The following LPA variants were observed in gnomAD, a reference collection of about 807,000 sequenced individuals.
The protein encoded by LPA is lipoprotein(a).
A neutral mutation model predicts 197.9 loss-of-function variants in LPA; 199 were observed. The observed-to-expected ratio is 1.01, with a 90% CI of 0.90 to 1.13. The LOEUF is 1.13. LPA is among the 50% of genes most tolerant of loss of function. The pLI is 0.00. For synonymous variants in LPA, 715 were observed against 639.5 expected, an observed-to-expected ratio of 1.12 and a Z score of -1.78; for missense variants, 1,853 against 1,785.8, an observed-to-expected ratio of 1.04 and a Z score of -0.68.
At chr6:160,553,954 T>TGTGTGTGCGC (rs771903485) in intron 30 of LPA, among the ~76,000 whole-genome samples, 18 of 130,806 alleles carry the variant, frequency 1.4e-4, no homozygotes, top group African/African-American at 5.4e-4. Flanking sequence ...TGTGTGTGTG[T>TGTGTGTGCGC]GCGCGCGCGC....
chr6:160,578,384 C>T, intron 27 of LPA, 139 bp downstream of exon 27: 1 of 1,056,380 alleles, frequency 9.5e-7, no homozygotes, highest in Non-Finnish European at 1.4e-6. Context: ...CTGGATCCCC[C>T]AGAGAGGGCG....
intron 30 of LPA, among the ~76,000 whole-genome samples, chr6:160,551,329 G>A (rs1031629435): frequency 6.6e-6 from 1 of 152,144 alleles, no homozygotes; most frequent in Non-Finnish European, 1.5e-5. Flanking sequence ...TATTGGCTAT[G>A]TGTACATCTA....
chr6:160,538,918 T>A (rs966394779), intron 36 of LPA, among the ~76,000 whole-genome samples: 2 of 152,146 alleles, frequency 1.3e-5, no homozygotes, highest in Non-Finnish European at 2.9e-5. Context: ...CTGAGGACCA[T>A]GAGGAGCAGA....
chr6:160,594,934 T>C (rs1779101592), intron 21 of LPA, among the ~76,000 whole-genome samples: 1 of 152,056 alleles, frequency 6.6e-6, no homozygotes, highest in Admixed American at 6.5e-5. Context: ...GATGACAGAC[T>C]CAAAAACCGC....
At chr6:160,553,149 C>A (rs1466833906) in intron 30 of LPA, among the ~76,000 whole-genome samples, 1 of 152,140 alleles carries the variant, frequency 6.6e-6, no homozygotes, top group African/African-American at 2.4e-5. Context: ...TTTACTACTA[C>A]ATACGTTGAA....
chr6:160,611,294 G>A (rs1342511170), intron 16 of LPA, among the ~76,000 whole-genome samples: 2 of 152,034 alleles, frequency 1.3e-5, no homozygotes, highest in Non-Finnish European at 2.9e-5. Context: ...CTAAGTGTTT[G>A]GTGGTTCGTC....
rs201306475 is a variant in LPA at position 160,532,531 on chromosome 6, C to T, written c.5961G>A (p.Gln1987=). Residue 1987 remains glutamine, a splice_region_variant and synonymous_variant, in exon 38 of 39, where the codon CAG becomes CAA. Coordinates refer to ENST00000316300, the MANE Select transcript of LPA (RefSeq NM_005577.4). ...CTTTGATCTATTGATCTTTTCTTAC[C>T]TGGCAACTGTCAGTGCCTCTGGCCA... ...EHLARGTDSC[Q]GDSGGPLVCF... is the part of the protein sequence containing the mutation. 1.9e-4 allele frequency: 301 copies of T among 1,583,492 alleles called. No homozygotes were observed. Among genetic ancestry groups the T allele is most frequent in the Non-Finnish European group, 2.5e-4 (283 of 1,152,378 alleles).
intron 37 of LPA, among the ~76,000 whole-genome samples, chr6:160,536,745 C>T (rs1303473498): frequency 6.6e-6 from 1 of 152,174 alleles, no homozygotes; most frequent in Non-Finnish European, 1.5e-5. Context: ...TACCTGGCCT[C>T]AGTGCTCCCA....
chr6:160,658,489 C>T (rs1470572931), intron 1 of LPA, among the ~76,000 whole-genome samples: 1 of 152,170 alleles, frequency 6.6e-6, no homozygotes, highest in African/African-American at 2.4e-5. Flanking sequence ...CTGAGATCAT[C>T]ATTTTCTTTC....
chr6:160,562,250 C>T (rs1264071035), intron 28 of LPA, among the ~76,000 whole-genome samples: 1 of 151,976 alleles, frequency 6.6e-6, no homozygotes, highest in African/African-American at 2.4e-5. Context: ...CCATCAATAC[C>T]TAGTTTATTA....
intron 37 of LPA, among the ~76,000 whole-genome samples, chr6:160,536,714 C>T (rs188142797): frequency 5.1e-4 from 78 of 152,278 alleles, no homozygotes; most frequent in African/African-American, 1.7e-3. Flanking sequence ...ATAGGTGCCC[C>T]TCATTTGCCA....
rs1393496135 is a variant in LPA, at chr6:160,577,518, G to A, written c.4472-223C>T. Reference sequence around the variant, plus strand: ...TTAAATCTAAAGATAAAGAACAGAGGAGAATGCTGGACATTGGAAATTACA... The same window carrying A: ...TTAAATCTAAAGATAAAGAACAGAGAAGAATGCTGGACATTGGAAATTACA... On this transcript the variant is annotated intron_variant, in intron 27 of 38. Transcript: ENST00000316300. 2.0e-5 allele frequency among the ~76,000 whole-genome samples: 3 copies of A among 152,118 alleles called. No homozygotes were observed. In the East Asian group the frequency reaches 5.8e-4, roughly 29 times the overall value.
intron 19 of LPA, among the ~76,000 whole-genome samples, chr6:160,599,980 T>C (rs990848632): frequency 6.6e-6 from 1 of 152,156 alleles, no homozygotes; most frequent in Non-Finnish European, 1.5e-5. Context: ...CATGACGACA[T>C]GGAACAGCAT....
At chr6:160,634,629 G>T (rs1307871694) in intron 7 of LPA, among the ~76,000 whole-genome samples, 1 of 149,478 alleles carries the variant, frequency 6.7e-6, no homozygotes, top group Non-Finnish European at 1.5e-5. Context: ...TTAGAGCATT[G>T]GGAGCTCATA....
At position 160,589,785 on chromosome 6, in the gene LPA, T is replaced by C. The variant is rs1195252544; in HGVS notation, c.3788-73A>G. On this transcript the variant is annotated intron_variant, in intron 23 of 38. Coordinates refer to ENST00000316300, the MANE Select transcript of LPA (RefSeq NM_005577.4). ...GAAGCATGAGAAAAAAAATCCATGA[T>C]AGAAACAGGACATCATCTCTGAAAA... The C allele has an allele frequency of 2.8e-5, 43 of 1,548,206 alleles. No individual in the cohort carries two copies. In the East Asian group the frequency reaches 9.7e-4, roughly 35 times the overall value.
chr6:160,604,790 A>G (rs1336920554), intron 18 of LPA, among the ~76,000 whole-genome samples: 1 of 152,144 alleles, frequency 6.6e-6, no homozygotes, highest in Non-Finnish European at 1.5e-5. Flanking sequence ...ATCATTTGTC[A>G]TCTTGACTTG....
intron 20 of LPA, among the ~76,000 whole-genome samples, 179 bp downstream of exon 20, chr6:160,599,321 C>G (rs1341669633): frequency 6.6e-6 from 1 of 152,146 alleles, no homozygotes; most frequent in Non-Finnish European, 1.5e-5. Context: ...CCAGCCTGGG[C>G]AACAAAGCAA....
intron 37 of LPA, among the ~76,000 whole-genome samples, chr6:160,536,933 G>A (rs1777903806): frequency 3.3e-5 from 5 of 152,170 alleles, no homozygotes; most frequent in Admixed American, 3.3e-4. Context: ...AGGCTGATGT[G>A]CAAAGCACCA....
intron 24 of LPA, among the ~76,000 whole-genome samples, chr6:160,587,072 A>G (rs1778925573): frequency 6.6e-6 from 1 of 152,180 alleles, no homozygotes; most frequent in Admixed American, 6.5e-5. Flanking sequence ...CTGATTTGTT[A>G]TTTACCTAAG....
Sources: gnomAD v4.1 joint callset for allele counts (sites outside exome capture counted in the v4.1 genomes callset) on GRCh38, gnomAD v4.1.1 for gene constraint, MANE v1.5 for transcripts, NCBI Gene and HGNC (gene_info 2026-07-23, HGNC 2026-07-21) for gene names.